Variants in KDM3A observed in about 807,000 individuals in gnomAD.
The protein encoded by KDM3A is lysine-specific demethylase 3A.
Under a neutral mutation model 158.0 loss-of-function variants are expected in KDM3A, and 60 were observed. The observed-to-expected ratio is 0.38, with a 90% CI of 0.31 to 0.47. The LOEUF is 0.47. KDM3A is among the 20% of genes least tolerant of loss of function. KDM3A has a pLI of 0.99. For missense variants in KDM3A, 1,319 were observed against 1,574.3 expected (o/e 0.84, Z 2.74); for synonymous variants, 608 against 549.3 (o/e 1.11, Z -1.49).
rs536830944 is a variant in KDM3A at position 86,480,234 on chromosome 2, C to T, written c.2384C>T (p.Pro795Leu). 1 of 1,613,730 alleles carries T rather than the reference C, an allele frequency of 6.2e-7. No individual in the cohort carries two copies. The highest frequency in any genetic ancestry group is 8.5e-7 in the Non-Finnish European group (1 of 1,180,038). Residue 795 changes from proline to leucine, a missense_variant, in exon 16 of 26, where the codon CCA becomes CTA. By Grantham distance (98) the Pro-to-Leu change is moderately conservative. Transcript: ENST00000312912. Reference protein sequence around the residue: ...VLQQNPSVLEPAAVGGEAASK... With the variant: ...VLQQNPSVLELAAVGGEAASK... ...CAGCAGAATCCCTCAGTGTTGGAGC[C>T]AGCAGCTGTGGGTGGGGAAGCAGCC...
chr2:86,476,050 G>A (rs186379950), intron 12 of KDM3A, among the ~76,000 whole-genome samples: 156 of 152,306 alleles, frequency 1.0e-3, no homozygotes, highest in Non-Finnish European at 1.7e-3. Flanking sequence ...TTCTGCTGGG[G>A]TAGTGGAGAC....
chr2:86,442,692 A>G (rs921701311), intron 2 of KDM3A: 1 of 155,520 alleles, frequency 6.4e-6, no homozygotes, highest in Non-Finnish European at 1.4e-5. Flanking sequence ...GTTAAAAATG[A>G]AGTGAGTGTA....
intron 11 of KDM3A, 78 bp from the exon 12 acceptor site, chr2:86,474,698 A>G (rs1558622937): frequency 1.8e-6 from 1 of 543,306 alleles, no homozygotes; most frequent in South Asian, 2.1e-5. Context: ...AGTTGTAAAT[A>G]AGTTGTGTGT....
upstream of KDM3A, chr2:86,440,797 G>C (rs113034446): frequency 1.3e-4 from 20 of 152,420 alleles, no homozygotes; most frequent in African/African-American, 4.8e-4. Context: ...CGAGCCTCCA[G>C]AGCACTATCG....
intron 12 of KDM3A, 34 bp downstream of exon 12, chr2:86,475,024 G>A: frequency 6.4e-7 from 1 of 1,559,924 alleles, no homozygotes; most frequent in Non-Finnish European, 8.8e-7. Flanking sequence ...GGATTTTCGA[G>A]CCCAATTTGA....
chr2:86,455,012 T>C (rs1024774875), intron 4 of KDM3A, 73 bp from the exon 5 acceptor site: 2 of 825,024 alleles, frequency 2.4e-6, no homozygotes, highest in Non-Finnish European at 3.8e-6. Flanking sequence ...CCAATTGAAA[T>C]AGCCCACTGG....
chr2:86,468,160 C>T (rs1056446712), intron 10 of KDM3A, among the ~76,000 whole-genome samples: 2 of 152,178 alleles, frequency 1.3e-5, no homozygotes, highest in Non-Finnish European at 2.9e-5. Context: ...ATTTGACTTG[C>T]GAATCTTTTT....
At chr2:86,454,908 G>A (rs1436125999) in intron 4 of KDM3A, among the ~76,000 whole-genome samples, 177 bp from the exon 5 acceptor site, 5 of 152,100 alleles carry the variant, frequency 3.3e-5, no homozygotes, top group African/African-American at 1.2e-4. Context: ...ATCATTTGAT[G>A]GTCTAGGACT....
intron 8 of KDM3A, among the ~76,000 whole-genome samples, chr2:86,459,522 G>T (rs542197937): frequency 1.7e-4 from 26 of 152,194 alleles, no homozygotes; most frequent in African/African-American, 4.6e-4. Context: ...GAAGGGTTGG[G>T]AATAGGAATG....
chr2:86,447,528 A>G (rs900354120), intron 2 of KDM3A, among the ~76,000 whole-genome samples: 2 of 152,016 alleles, frequency 1.3e-5, no homozygotes, highest in African/African-American at 4.8e-5. Context: ...TCCTAACTTA[A>G]TAAGTGATAC....
intron 12 of KDM3A, among the ~76,000 whole-genome samples, chr2:86,475,809 A>G (rs990100821): frequency 1.6e-4 from 24 of 152,222 alleles, no homozygotes; most frequent in Non-Finnish European, 2.4e-4. Context: ...TTGCTTAACC[A>G]AGTATGTTTG....
At chr2:86,463,292 T>C (rs1672998926) in intron 8 of KDM3A, among the ~76,000 whole-genome samples, 1 of 152,204 alleles carries the variant, frequency 6.6e-6, no homozygotes, top group Non-Finnish European at 1.5e-5. Flanking sequence ...CCTGGTGAAA[T>C]GGGTGAATTG....
Position 86,456,881 on chromosome 2 carries a change from A to G in KDM3A, c.754+4A>G, listed in dbSNP as rs1450284193. On this transcript the variant is annotated splice_donor_region_variant and intron_variant, in intron 7 of 25. Coordinates refer to ENST00000312912, the MANE Select transcript of KDM3A (RefSeq NM_018433.6). ...CACGATAACCTTGTGACATGTGGTA[A>G]GATATGTTATTAAAATCTTTCTTCT... is the stretch of plus-strand genomic sequence containing the variant. The G allele has an allele frequency of 6.2e-7, 1 of 1,605,424 alleles. No homozygotes were observed. Among genetic ancestry groups the G allele is most frequent in the South Asian group, 1.1e-5 (1 of 90,548 alleles).
Position 86,456,423 on chromosome 2 carries a change from T to A in KDM3A, c.557-19T>A. ...AATGCAAATTGCTCTAAGATTTTTT[T>A]TTTTTTTTTTTTTTTAAGGTGACAA... is the stretch of plus-strand genomic sequence containing the variant. On this transcript the variant is annotated intron_variant, in intron 5 of 25. Transcript: ENST00000312912. 2 of 1,408,524 alleles carry A rather than the reference T, an allele frequency of 1.4e-6. No homozygotes were observed. The highest frequency in any genetic ancestry group is 1.5e-5 in the South Asian group (1 of 68,928). The allele number at this position is 1,408,524 out of a possible 1,614,324, so 87.3% of individuals were successfully genotyped here.
At chr2:86,439,232 C>T (rs7598058), upstream of KDM3A, among the ~76,000 whole-genome samples, 115,840 of 151,622 alleles carry the variant, frequency 0.76, 44,565 homozygotes, top group East Asian at 0.95. Context: ...GGTGAATATA[C>T]GATTTTTCTT....
At chr2:86,472,190 G>T (rs1367323275) in intron 11 of KDM3A, among the ~76,000 whole-genome samples, 8 of 146,872 alleles carry the variant, frequency 5.4e-5, no homozygotes, top group African/African-American at 1.8e-4. Context: ...CTACATTTTT[G>T]TAACAGTCTA....
chr2:86,456,728 AT>A (rs2104644494), intron 6 of KDM3A, 76 bp from the exon 7 acceptor site: 1 of 1,308,948 alleles, frequency 7.6e-7, no homozygotes, highest in Admixed American at 1.8e-5. Context: ...TCCTATTGTT[AT>A]GTTAATGAAC....
At chr2:86,484,900 C>T (rs753658342) in intron 19 of KDM3A, 42 bp from the exon 20 acceptor site, 5 of 1,272,134 alleles carry the variant, frequency 3.9e-6, no homozygotes, top group Non-Finnish European at 5.7e-6. Flanking sequence ...TGGTCTGTTT[C>T]TGAATTATAA....
At chr2:86,489,816 G>A in intron 23 of KDM3A, 157 bp downstream of exon 23, 2 of 677,626 alleles carry the variant, frequency 3.0e-6, no homozygotes, top group Non-Finnish European at 4.7e-6. Context: ...TGGTTGCTAA[G>A]GAACAAGGAT....
Sources: allele counts gnomAD v4.1 joint callset (sites outside exome capture counted in the v4.1 genomes callset), GRCh38; gene constraint gnomAD v4.1.1; transcripts MANE v1.5; gene names NCBI Gene and HGNC (gene_info 2026-07-23, HGNC 2026-07-21).